Variants in LRPPRC observed in about 807,000 individuals in gnomAD.
LRPPRC encodes the protein leucine rich pentatricopeptide repeat containing, also known as leucine-rich PPR motif-containing protein, mitochondrial.
A neutral mutation model predicts 180.3 loss-of-function variants in LRPPRC; 120 were observed. That is an observed-to-expected ratio of 0.67 (90% CI 0.57 to 0.77). The LOEUF (loss-of-function observed/expected upper bound fraction) is 0.77. Among genes scored for constraint, LRPPRC ranks in the 30% least tolerant of loss-of-function variants. The probability of loss-of-function intolerance (pLI) is 0.00; values close to 1 mark genes in which losing one functional copy is unlikely to be tolerated. For missense variants in LRPPRC, 2,012 were observed against 1,657.2 expected, an observed-to-expected ratio of 1.21 and a Z score of -3.72; for synonymous variants, 723 against 600.0, an observed-to-expected ratio of 1.21 and a Z score of -3.00.
rs1327171614 is a variant in LRPPRC, at chr2:43,886,946, TC to T, written c.*1653del. The T allele has an allele frequency of 1.3e-5, 2 of 151,728 alleles. No individual in the cohort carries two copies. The highest frequency in any genetic ancestry group is 4.8e-5 in the African/African-American group (2 of 41,256). The allele number at this position is 151,728 out of a possible 1,614,324, so 9.4% of individuals were successfully genotyped here. A position where few individuals can be genotyped will look rare whatever the true frequency, so the allele number is the denominator to read the frequency against. ...GGGAGGATCACTTGGGGCCAGGAGT[TC>T]GAGACCAACCTGGCCAACATGGTGA... On this transcript the variant is annotated 3_prime_UTR_variant, in exon 38 of 38. Coordinates refer to ENST00000260665, the MANE Select transcript of LRPPRC (RefSeq NM_133259.4).
At chr2:43,974,476 T>C (rs1673960480) in intron 8 of LRPPRC, 138 bp downstream of exon 8, 1 of 804,972 alleles carries the variant, frequency 1.2e-6, no homozygotes, top group South Asian at 1.6e-5. Flanking sequence ...CTCATGTTTT[T>C]GGGCTTATTT....
At chr2:43,988,911 C>G (rs1460349551) in intron 1 of LRPPRC, among the ~76,000 whole-genome samples, 1 of 152,058 alleles carries the variant, frequency 6.6e-6, no homozygotes, top group Non-Finnish European at 1.5e-5. Flanking sequence ...ATTCTGTTGT[C>G]CAGGCTGGAG....
chr2:43,900,104 G>A (rs921372234), intron 32 of LRPPRC, among the ~76,000 whole-genome samples: 1 of 151,978 alleles, frequency 6.6e-6, no homozygotes, highest in Non-Finnish European at 1.5e-5. Context: ...AGGCATATAT[G>A]CATGTCTCTA....
chr2:43,936,585 A>G (rs1243171146), intron 23 of LRPPRC, among the ~76,000 whole-genome samples: 1 of 152,178 alleles, frequency 6.6e-6, no homozygotes, highest in Non-Finnish European at 1.5e-5. Flanking sequence ...TTGAATTACT[A>G]TTTTATCAAG....
At position 43,947,247 on chromosome 2, in the gene LRPPRC, C is replaced by T. The variant is rs545497810; in HGVS notation, c.2079+10G>A. ...CCTTAATAATATTTAAATATTAAAA[C>T]AAATGTTACCTCTTCTGAACAAAGC... is the stretch of plus-strand genomic sequence containing the variant. On this transcript the variant is annotated intron_variant, in intron 20 of 37. Transcript: ENST00000260665. The T allele has an allele frequency of 1.8e-5, 24 of 1,362,534 alleles. No homozygotes were observed. The highest frequency in any genetic ancestry group is 1.6e-4 in the Admixed American group (9 of 55,852). 84.4% of individuals were successfully genotyped at this position (1,362,534 alleles called of 1,614,324 possible). A position where few individuals can be genotyped will look rare whatever the true frequency, so the allele number is the denominator to read the frequency against.
chr2:43,928,016 A>G (rs558266031), intron 25 of LRPPRC, among the ~76,000 whole-genome samples: 6 of 94,832 alleles, frequency 6.3e-5, no homozygotes, highest in African/African-American at 2.7e-4. Context: ...GATGTTAAAT[A>G]TAACATGAAA....
chr2:43,911,225 A>G (rs1175395643), intron 30 of LRPPRC, among the ~76,000 whole-genome samples: 1 of 151,454 alleles, frequency 6.6e-6, no homozygotes, highest in Non-Finnish European at 1.5e-5. Flanking sequence ...TACATTAAAA[A>G]CCCAACAGTC....
intron 32 of LRPPRC, 94 bp from the exon 33 acceptor site, chr2:43,899,699 C>T: frequency 2.6e-6 from 2 of 777,330 alleles, no homozygotes; most frequent in Non-Finnish European, 4.4e-6. Context: ...TCCACTCATG[C>T]TAATACTTTA....
At chr2:43,923,616 G>C (rs567728211) in intron 27 of LRPPRC, among the ~76,000 whole-genome samples, 32 of 152,132 alleles carry the variant, frequency 2.1e-4, no homozygotes, top group Non-Finnish European at 3.8e-4. Flanking sequence ...TTAAGACTTG[G>C]TGATGGGGCT....
At position 43,899,230 on chromosome 2, in the gene LRPPRC, C is replaced by T. The variant is rs756241737; in HGVS notation, c.3814G>A (p.Ala1272Thr). 8.1e-6 allele frequency: 13 copies of T among 1,613,266 alleles called. No individual in the cohort carries two copies. The South Asian group carries it at 1.2e-4, about 15-fold the overall frequency. ...TGGAGGGTCATTACCTGTAGGAGAG[C>T]TCTGGCATCATCCACCTTGCCTGCA... ...VDAGKVDDAR[A>T]LLQRCGAIAE... The change falls in exon 34 of 38, where the codon GCT (alanine) becomes ACT (threonine). Residue 1272 changes from alanine to threonine, a missense_variant. By Grantham distance (58) the Ala-to-Thr change is moderately conservative. Transcript: ENST00000260665.
At chr2:43,973,334 A>C (rs964406203) in intron 11 of LRPPRC, among the ~76,000 whole-genome samples, 3 of 152,194 alleles carry the variant, frequency 2.0e-5, no homozygotes, top group Admixed American at 6.5e-5. Context: ...GAGTTTTTTT[A>C]AGAACTTAAA....
chr2:43,949,143 T>A (rs762406755), intron 16 of LRPPRC, among the ~76,000 whole-genome samples: 51 of 152,170 alleles, frequency 3.4e-4, no homozygotes, highest in Non-Finnish European at 5.9e-4. Flanking sequence ...GGGTACCATC[T>A]TACAGAAAAC....
intron 1 of LRPPRC, among the ~76,000 whole-genome samples, chr2:43,993,964 G>C (rs1674903257): frequency 6.6e-6 from 1 of 152,084 alleles, no homozygotes; most frequent in Non-Finnish European, 1.5e-5. Flanking sequence ...AGATGGCTGA[G>C]ATTACGCAGT....
At position 43,888,565 on chromosome 2, in the gene LRPPRC, C is replaced by CAAAT. The variant is rs746038924; in HGVS notation, c.*31_*34dup. ...AAAATAACATGTAGACACAGAATCA[C>CAAAT]AAATATATACAAAACAAAGTATCGC... is the stretch of plus-strand genomic sequence containing the variant. On this transcript the variant is annotated 3_prime_UTR_variant, in exon 38 of 38. Coordinates refer to ENST00000260665, the MANE Select transcript of LRPPRC (RefSeq NM_133259.4). The CAAAT allele has an allele frequency of 2.3e-5, 30 of 1,324,852 alleles. No individual in the cohort carries two copies. The highest frequency in any genetic ancestry group is 1.2e-5 in the Non-Finnish European group (11 of 917,654). 82.1% of individuals were successfully genotyped at this position (1,324,852 alleles called of 1,614,324 possible).
chr2:43,962,716 T>C (rs1433551787), intron 12 of LRPPRC, among the ~76,000 whole-genome samples: 1 of 152,080 alleles, frequency 6.6e-6, no homozygotes, highest in Non-Finnish European at 1.5e-5. Context: ...AAACAAAGGT[T>C]TGAAGTTTAA....
At chr2:43,982,500 C>T in intron 1 of LRPPRC, 66 bp from the exon 2 acceptor site, 1 of 1,259,114 alleles carries the variant, frequency 7.9e-7, no homozygotes, top group Admixed American at 1.8e-5. Flanking sequence ...TTGAACAAAA[C>T]TTAAACAAAT....
rs1201540212 is a variant in LRPPRC, at chr2:43,968,032, T to C, written c.1370-4326A>G. 5.3e-5 allele frequency among the ~76,000 whole-genome samples: 8 copies of C among 152,058 alleles called. No homozygotes were observed. The East Asian group carries it at 1.5e-3, about 29-fold the overall frequency. ...TCCTTTCTGACCAGTAATAATTGTT[T>C]CCAGGACAATTATTATTTAGTTAAA... On this transcript the variant is annotated intron_variant, in intron 11 of 37. Transcript: ENST00000260665.
At chr2:43,893,434 C>G (rs1437950329) in intron 36 of LRPPRC, among the ~76,000 whole-genome samples, 1 of 152,164 alleles carries the variant, frequency 6.6e-6, no homozygotes, top group South Asian at 2.1e-4. Context: ...ACATCTCAAC[C>G]TTTAGCAATC....
intron 25 of LRPPRC, among the ~76,000 whole-genome samples, chr2:43,927,442 A>G (rs1483916934): frequency 1.3e-5 from 2 of 152,226 alleles, no homozygotes; most frequent in Non-Finnish European, 2.9e-5. Context: ...CAAGAAATCA[A>G]TGATGAATAA....
Sources: gnomAD v4.1 joint callset for allele counts (sites outside exome capture counted in the v4.1 genomes callset) on GRCh38, gnomAD v4.1.1 for gene constraint, MANE v1.5 for transcripts, NCBI Gene and HGNC (gene_info 2026-07-23, HGNC 2026-07-21) for gene names.